SCAMP1: variants seen among roughly 807,000 people sequenced by gnomAD.
SCAMP1 encodes secretory carrier-associated membrane protein 1.
In SCAMP1, 15 loss-of-function variants were observed where a neutral mutation model predicts 41.8. The ratio of observed to expected loss-of-function variants is 0.36; its 90% CI spans 0.24 to 0.55. SCAMP1 has a LOEUF of 0.55. Ranked by LOEUF, SCAMP1 falls within the 20% of genes least tolerant of loss-of-function variation. The probability of loss-of-function intolerance (pLI) is 0.86; values close to 1 mark genes in which losing one functional copy is unlikely to be tolerated. For missense variants in SCAMP1, 341 were observed against 412.6 expected (o/e 0.83, Z 1.50); for synonymous variants, 135 against 136.8 (o/e 0.99, Z 0.09).
In SCAMP1 at chr5:78,461,627, T is replaced by C. The variant is rs540913653; in HGVS notation, c.852+2265T>C. On this transcript the variant is annotated intron_variant, in intron 8 of 8. Coordinates refer to ENST00000621999, the MANE Select transcript of SCAMP1 (RefSeq NM_004866.6). ...CCCAGGCTGGAGTGCAGTGGCACAA[T>C]CTCGGCTCACTGCACCCTCAGCCTC... Among the ~76,000 whole-genome samples, 51 of 152,300 alleles carry C rather than the reference T, an allele frequency of 3.3e-4. 1 individual carries two copies. The South Asian group carries it at 0.011, about 32-fold the overall frequency.
chr5:78,390,695 C>T (rs1244480491), intron 2 of SCAMP1, among the ~76,000 whole-genome samples: 1 of 144,186 alleles, frequency 6.9e-6, no homozygotes, highest in Non-Finnish European at 1.5e-5. Context: ...GGGTGTTTCT[C>T]ACAGAGGGGG....
intron 7 of SCAMP1, among the ~76,000 whole-genome samples, chr5:78,455,581 G>C (rs977015289): frequency 8.3e-6 from 1 of 119,990 alleles, no homozygotes; most frequent in Non-Finnish European, 1.7e-5. Flanking sequence ...TTTTACATTT[G>C]CTGAGGAGAG....
At chr5:78,415,129 T>G (rs1752178889) in intron 2 of SCAMP1, among the ~76,000 whole-genome samples, 1 of 152,006 alleles carries the variant, frequency 6.6e-6, no homozygotes, top group Admixed American at 6.6e-5. Flanking sequence ...AATTTTTGTA[T>G]TTTTAGTAGA....
At chr5:78,387,465 T>C (rs1751372893) in intron 1 of SCAMP1, among the ~76,000 whole-genome samples, 1 of 152,114 alleles carries the variant, frequency 6.6e-6, no homozygotes, top group South Asian at 2.1e-4. Flanking sequence ...TCTGGAAGTT[T>C]AGAGGTTTTG....
rs1307123865 is a variant in SCAMP1, at chr5:78,391,944, C to T, written c.135+3030C>T. On this transcript the variant is annotated intron_variant, in intron 2 of 8. Coordinates refer to ENST00000621999, the MANE Select transcript of SCAMP1 (RefSeq NM_004866.6). ...ATCAGGCAGGGAGGTTGCAGTGAGC[C>T]GAGATGGCAGCAGTACAGTCCAGCT... Among the ~76,000 whole-genome samples, 7 of 151,990 alleles carry T rather than the reference C, an allele frequency of 4.6e-5. No homozygotes were observed. In the South Asian group the frequency reaches 6.3e-4, roughly 14 times the overall value.
chr5:78,371,813 A>G (rs1750949716), intron 1 of SCAMP1, among the ~76,000 whole-genome samples: 1 of 152,226 alleles, frequency 6.6e-6, no homozygotes, highest in Non-Finnish European at 1.5e-5. Context: ...TGAATTAAAT[A>G]ATACATTTTT....
intron 8 of SCAMP1, among the ~76,000 whole-genome samples, chr5:78,469,890 T>TAAAAAAAAAAAAAAAAAAA (rs141989832): frequency 4.7e-4 from 7 of 15,020 alleles, no homozygotes; most frequent in Admixed American, 2.2e-3. Context: ...TACAAGACAT[T>TAAAAAAAAAAAAAAAAAAA]AAAAAAAAAA....
At chr5:78,458,166 C>T (rs1753481544) in intron 7 of SCAMP1, among the ~76,000 whole-genome samples, 1 of 152,160 alleles carries the variant, frequency 6.6e-6, no homozygotes, top group South Asian at 2.1e-4. Flanking sequence ...TCGCTGGGAG[C>T]TGTAGACCGG....
At chr5:78,447,088 C>T (rs1266640728) in intron 6 of SCAMP1, among the ~76,000 whole-genome samples, 1 of 152,208 alleles carries the variant, frequency 6.6e-6, no homozygotes, top group Middle Eastern at 3.2e-3. Context: ...TGCAAAGGAT[C>T]TAGGTTGCAT....
In SCAMP1 at chr5:78,450,029, C is replaced by T. The variant is rs1554046050; in HGVS notation, c.729C>T (p.Gly243=). 2.0e-6 allele frequency: 3 copies of T among 1,517,390 alleles called. No homozygotes were observed. Among genetic ancestry groups the T allele is most frequent in the African/African-American group, 1.4e-5 (1 of 69,064 alleles). The allele number at this position is 1,517,390 out of a possible 1,614,324, so 94.0% of individuals were successfully genotyped here. The change falls in exon 7 of 9, where the codon GGC becomes GGT. Residue 243 remains glycine, a synonymous_variant. Coordinates refer to ENST00000621999, the MANE Select transcript of SCAMP1 (RefSeq NM_004866.6). ...VLQAAGFHNW[G]NCGWISSLTG... ...AAGCTGCAGGATTTCATAACTGGGG[C>T]AATTGGTAAGTTTTTTTTTTTACTA...
At chr5:78,438,974 T>G (rs1178348544) in intron 6 of SCAMP1, among the ~76,000 whole-genome samples, 1 of 152,222 alleles carries the variant, frequency 6.6e-6, no homozygotes, top group African/African-American at 2.4e-5. Flanking sequence ...TGTAACAGCC[T>G]TCTTTCTCTC....
rs565172595 is a variant in SCAMP1, at chr5:78,364,031, A to G, written c.57+3303A>G. On this transcript the variant is annotated intron_variant, in intron 1 of 8. Coordinates refer to ENST00000621999, the MANE Select transcript of SCAMP1 (RefSeq NM_004866.6). ...GGGTTTTAAAGCTATAGAGGGAAAA[A>G]TATTTTCTGTATAGTCAACATGTAA... Among the ~76,000 whole-genome samples, 181 of 152,356 alleles carry G rather than the reference A, an allele frequency of 1.2e-3. 3 individuals are homozygous for G. The South Asian group carries it at 0.035, about 30-fold the overall frequency.
intron 2 of SCAMP1, among the ~76,000 whole-genome samples, chr5:78,404,453 G>GTTTTTTTT (rs3058233): frequency 0.058 from 5,656 of 97,878 alleles, 533 homozygotes; most frequent in African/African-American, 0.13. Context: ...AGCCTTACAG[G>GTTTTTTTT]TTTTTTTTTT....
At chr5:78,404,880 A>T (rs900888322) in intron 2 of SCAMP1, among the ~76,000 whole-genome samples, 1 of 152,214 alleles carries the variant, frequency 6.6e-6, no homozygotes, top group Non-Finnish European at 1.5e-5. Flanking sequence ...GAGATAAAAC[A>T]AAAGTGCGAG....
At chr5:78,390,696 A>G (rs1450702239) in intron 2 of SCAMP1, among the ~76,000 whole-genome samples, 11 of 144,946 alleles carry the variant, frequency 7.6e-5, no homozygotes, top group African/African-American at 2.8e-4. Flanking sequence ...GGTGTTTCTC[A>G]CAGAGGGGGA....
chr5:78,387,361 T>TA (rs1336965236), intron 1 of SCAMP1, among the ~76,000 whole-genome samples: 18 of 45,876 alleles, frequency 3.9e-4, no homozygotes, highest in Non-Finnish European at 9.4e-4. Flanking sequence ...ATATCCTGTA[T>TA]CTTTTTTTTT....
chr5:78,468,797 CTG>C (rs1580721491), intron 8 of SCAMP1, among the ~76,000 whole-genome samples: 1 of 152,244 alleles, frequency 6.6e-6, no homozygotes, highest in East Asian at 1.9e-4. Flanking sequence ...ATAGAGAACA[CTG>C]TGATTAAGTC....
At chr5:78,397,449 T>C (rs1158557119) in intron 2 of SCAMP1, among the ~76,000 whole-genome samples, 1 of 152,072 alleles carries the variant, frequency 6.6e-6, no homozygotes, top group East Asian at 1.9e-4. Context: ...ACACTAAAAA[T>C]ACAAACAACA....
chr5:78,439,697 A>C (rs1752867928), intron 6 of SCAMP1, among the ~76,000 whole-genome samples: 1 of 151,872 alleles, frequency 6.6e-6, no homozygotes. Flanking sequence ...TGTGTCTTGG[A>C]GTTGCTCTTC....
Sources: gnomAD v4.1 joint callset for allele counts (sites outside exome capture counted in the v4.1 genomes callset) on GRCh38, gnomAD v4.1.1 for gene constraint, MANE v1.5 for transcripts, NCBI Gene and HGNC (gene_info 2026-07-23, HGNC 2026-07-21) for gene names.